Variants in DNAH8 observed in about 807,000 individuals in gnomAD.
The protein encoded by DNAH8 is dynein axonemal heavy chain 8.
DNAH8 carries 382 observed loss-of-function variants against 562.1 expected under a neutral mutation model. That is an observed-to-expected ratio of 0.68 (90% CI 0.63 to 0.74). The LOEUF (loss-of-function observed/expected upper bound fraction) is 0.74, where lower values mean the gene tolerates loss of function less well. Among genes scored for constraint, DNAH8 ranks in the 30% least tolerant of loss-of-function variants. The pLI is 0.00. For synonymous variants in DNAH8, 1,881 were observed against 1,919.4 expected (o/e 0.98, Z 0.52); for missense variants, 5,203 against 5,620.4 (o/e 0.93, Z 2.37).
chr6:38,910,865 T>A (rs935601335), intron 65 of DNAH8, among the ~76,000 whole-genome samples: 1 of 152,224 alleles, frequency 6.6e-6, no homozygotes, highest in South Asian at 2.1e-4. Flanking sequence ...CGTGAAGAAC[T>A]CTTTTTTCAC....
intron 26 of DNAH8, among the ~76,000 whole-genome samples, chr6:38,817,873 G>A (rs775083009): frequency 2.0e-5 from 3 of 152,110 alleles, no homozygotes; most frequent in Non-Finnish European, 2.9e-5. Flanking sequence ...GATCTTGAAA[G>A]ACACAATCCA....
intron 72 of DNAH8, 112 bp from the exon 73 acceptor site, chr6:38,923,879 A>T: frequency 2.5e-6 from 3 of 1,210,390 alleles, no homozygotes; most frequent in Non-Finnish European, 3.5e-6. Flanking sequence ...ACCAAGCATT[A>T]AGCAGGGGCA....
At chr6:38,770,653 A>T (rs1367349279) in intron 12 of DNAH8, 94 bp downstream of exon 12, 1 of 1,202,082 alleles carries the variant, frequency 8.3e-7, no homozygotes, top group Non-Finnish European at 1.1e-6. Flanking sequence ...ATTGTTCCTG[A>T]TCTCTTGTCC....
chr6:38,966,389 T>C (rs1261258820), intron 82 of DNAH8, among the ~76,000 whole-genome samples: 2 of 152,216 alleles, frequency 1.3e-5, no homozygotes, highest in African/African-American at 2.4e-5. Flanking sequence ...GATGGCTTCA[T>C]TGGTGAATTC....
At chr6:38,938,357 T>A in intron 78 of DNAH8, 131 bp downstream of exon 78, 2 of 1,045,460 alleles carry the variant, frequency 1.9e-6, no homozygotes, top group Non-Finnish European at 2.8e-6. Flanking sequence ...CCATCAACAG[T>A]AGAGTGGATA....
At position 38,894,039 on chromosome 6, in the gene DNAH8, T is replaced by C. The variant is rs551116384; in HGVS notation, c.8584-662T>C. Among the ~76,000 whole-genome samples, 7 of 152,320 alleles carry C rather than the reference T, an allele frequency of 4.6e-5. No homozygotes were observed. The East Asian group carries it at 1.2e-3, about 25-fold the overall frequency. On this transcript the variant is annotated intron_variant, in intron 58 of 92. Transcript: ENST00000327475. ...AGTTGGTAGAAATAGTAAATTAGCA[T>C]ATAATACAGTCTTTGTGCTCAAACA...
intron 52 of DNAH8, among the ~76,000 whole-genome samples, chr6:38,875,283 C>T (rs1290817846): frequency 2.0e-5 from 3 of 152,164 alleles, no homozygotes; most frequent in African/African-American, 2.4e-5. Flanking sequence ...CTGCTTACAT[C>T]GAGTCTAGGC....
Position 38,737,713 on chromosome 6 carries a change from ACTT to A in DNAH8, c.953-92_953-90del, listed in dbSNP as rs908833654. On this transcript the variant is annotated intron_variant, in intron 6 of 92. Coordinates refer to ENST00000327475, the MANE Select transcript of DNAH8 (RefSeq NM_001206927.2). ...GACTTTTAACACATTGACATTAAAT[ACTT>A]CTTACTATTAAATATTATTTAATAT... 1.5e-5 allele frequency: 8 copies of A among 522,438 alleles called. No homozygotes were observed. The South Asian group carries it at 2.0e-4, about 13-fold the overall frequency. The allele number at this position is 522,438 out of a possible 1,614,324, so 32.4% of individuals were successfully genotyped here.
In DNAH8 at chr6:38,873,216, A is replaced by T; in HGVS notation, c.7480-20A>T. ...CGTTTCACTTTCTCAATAAACACAG[A>T]TTCTGTTTCTTTGTTGCAGGCATGG... On this transcript the variant is annotated intron_variant, in intron 51 of 92. Transcript: ENST00000327475. The T allele has an allele frequency of 1.9e-6, 3 of 1,612,748 alleles. No homozygotes were observed. Among genetic ancestry groups the T allele is most frequent in the Non-Finnish European group, 2.5e-6 (3 of 1,179,686 alleles).
chr6:38,897,369 G>A (rs1779774891), intron 60 of DNAH8, among the ~76,000 whole-genome samples: 1 of 152,116 alleles, frequency 6.6e-6, no homozygotes, highest in Non-Finnish European at 1.5e-5. Context: ...CTTAAAGCCT[G>A]AAATATTTAC....
intron 1 of DNAH8, among the ~76,000 whole-genome samples, chr6:38,720,706 T>C (rs1762683736): frequency 6.6e-6 from 1 of 151,558 alleles, no homozygotes; most frequent in Admixed American, 6.6e-5. Context: ...CAGGAAAAAA[T>C]AGCAAACAGA....
intron 88 of DNAH8, among the ~76,000 whole-genome samples, chr6:39,005,382 C>T (rs1025306981): frequency 8.5e-5 from 13 of 152,182 alleles, no homozygotes; most frequent in South Asian, 4.2e-4. Flanking sequence ...CCAGCCTGGG[C>T]GACAGAGTAA....
intron 58 of DNAH8, among the ~76,000 whole-genome samples, chr6:38,893,215 C>A (rs9470943): frequency 6.6e-6 from 1 of 152,024 alleles, no homozygotes; most frequent in Non-Finnish European, 1.5e-5. Context: ...CATAAGCAGC[C>A]TTCTTTGTAT....
intron 79 of DNAH8, among the ~76,000 whole-genome samples, chr6:38,944,094 C>A (rs917926779): frequency 9.9e-5 from 15 of 152,124 alleles, no homozygotes; most frequent in African/African-American, 3.6e-4. Flanking sequence ...GAAAACATTT[C>A]TTTGGAAACA....
At chr6:38,782,574 A>G (rs1179133197) in intron 16 of DNAH8, among the ~76,000 whole-genome samples, 1 of 152,182 alleles carries the variant, frequency 6.6e-6, no homozygotes, top group Non-Finnish European at 1.5e-5. Flanking sequence ...GAGCTACGGC[A>G]CCCGGCCAAG....
chr6:39,009,105 A>G (rs1229062586), intron 89 of DNAH8, 135 bp downstream of exon 89: 3 of 583,052 alleles, frequency 5.1e-6, no homozygotes, highest in East Asian at 2.7e-5. Context: ...AATTTTGACT[A>G]TATTACTAAA....
intron 4 of DNAH8, among the ~76,000 whole-genome samples, chr6:38,734,239 G>A (rs9366976): frequency 2.0e-5 from 3 of 147,014 alleles, no homozygotes; most frequent in Non-Finnish European, 4.4e-5. Flanking sequence ...AGCTGAGATT[G>A]CACTACTGCA....
In DNAH8 at chr6:38,826,122, A is replaced by G. The variant is rs758745853; in HGVS notation, c.3848-34A>G. ...CCCTTATAGTTTCAGAATGCCAGTT[A>G]TATTCTAATTTAATTTCTTCTTGTC... is the stretch of plus-strand genomic sequence containing the variant. On this transcript the variant is annotated intron_variant, in intron 28 of 92. Transcript: ENST00000327475. 3.5e-6 allele frequency: 5 copies of G among 1,426,150 alleles called. No individual in the cohort carries two copies. In the Admixed American group the frequency reaches 6.1e-5, roughly 17 times the overall value. 88.3% of individuals were successfully genotyped at this position (1,426,150 alleles called of 1,614,324 possible). A position where few individuals can be genotyped will look rare whatever the true frequency, so the allele number is the denominator to read the frequency against.
chr6:38,721,621 GGGGACAGTGGGT>G (rs1471850716), intron 1 of DNAH8, among the ~76,000 whole-genome samples: 3 of 152,204 alleles, frequency 2.0e-5, no homozygotes, highest in Admixed American at 2.0e-4. Flanking sequence ...ACACATTCTA[GGGGACAGTGGGT>G]GGGTAAACTG....
Sources: gnomAD v4.1 joint callset for allele counts (sites outside exome capture counted in the v4.1 genomes callset) on GRCh38, gnomAD v4.1.1 for gene constraint, MANE v1.5 for transcripts, NCBI Gene and HGNC (gene_info 2026-07-23, HGNC 2026-07-21) for gene names.